HDAC9: variants seen among roughly 807,000 people sequenced by gnomAD.
The protein encoded by HDAC9 is histone deacetylase 9, also known as MEF-2 interacting transcription repressor (MITR) protein.
A neutral mutation model predicts 139.4 loss-of-function variants in HDAC9; 41 were observed. That is an observed-to-expected ratio of 0.29 (90% CI 0.23 to 0.38). The LOEUF (loss-of-function observed/expected upper bound fraction) is 0.38. HDAC9 is among the 10% of genes least tolerant of loss of function. The pLI is 1.00. For synonymous variants in HDAC9, 517 were observed against 476.2 expected, an observed-to-expected ratio of 1.09 and a Z score of -1.12; for missense variants, 1,147 against 1,297.0, an observed-to-expected ratio of 0.88 and a Z score of 1.78.
chr7:18,177,247 C>T (rs1225511909), intron 2 of HDAC9, among the ~76,000 whole-genome samples: 1 of 152,130 alleles, frequency 6.6e-6, no homozygotes, highest in Non-Finnish European at 1.5e-5. Flanking sequence ...CTGTTAGTAC[C>T]TGCATTTAAA....
intron 1 of HDAC9, among the ~76,000 whole-genome samples, chr7:18,296,638 T>C (rs1798168334): frequency 6.6e-6 from 1 of 152,208 alleles, no homozygotes; most frequent in African/African-American, 2.4e-5. Flanking sequence ...AAATTAGTTT[T>C]TAAAATGTCT....
At chr7:18,447,736 A>G (rs751441095) in intron 1 of HDAC9, among the ~76,000 whole-genome samples, 1 of 152,218 alleles carries the variant, frequency 6.6e-6, no homozygotes, top group Non-Finnish European at 1.5e-5. Flanking sequence ...GAAGACTGGC[A>G]TACATTTTGT....
intron 12 of HDAC9, among the ~76,000 whole-genome samples, chr7:18,677,338 A>C (rs1438747336): frequency 6.6e-6 from 1 of 151,828 alleles, no homozygotes; most frequent in Non-Finnish European, 1.5e-5. Context: ...TTATTGCTGA[A>C]TAGTTAGCCA....
chr7:18,611,320 A>G (rs544040853), intron 6 of HDAC9, among the ~76,000 whole-genome samples: 1 of 152,266 alleles, frequency 6.6e-6, no homozygotes, highest in South Asian at 2.1e-4. Flanking sequence ...CACAACTAGC[A>G]AGAATAATAT....
chr7:18,904,076 C>T (rs902356092), intron 22 of HDAC9, among the ~76,000 whole-genome samples: 2 of 152,158 alleles, frequency 1.3e-5, no homozygotes, highest in Non-Finnish European at 2.9e-5. Context: ...CCCAAACACC[C>T]AACAATTGGA....
chr7:18,421,737 C>G (rs1168372704), intron 1 of HDAC9, among the ~76,000 whole-genome samples: 3 of 152,154 alleles, frequency 2.0e-5, no homozygotes, highest in Admixed American at 6.6e-5. Flanking sequence ...TTAGCTCCCC[C>G]AAAACAGTCT....
intron 25 of HDAC9, among the ~76,000 whole-genome samples, chr7:18,981,198 C>T (rs1482140028): frequency 6.6e-6 from 1 of 152,154 alleles, no homozygotes; most frequent in African/African-American, 2.4e-5. Flanking sequence ...ACTTGGGCAT[C>T]TATACCTTTA....
At chr7:18,196,996 A>G (rs1348598813) in intron 2 of HDAC9, among the ~76,000 whole-genome samples, 1 of 152,204 alleles carries the variant, frequency 6.6e-6, no homozygotes, top group East Asian at 1.9e-4. Flanking sequence ...AGTAGAGCAG[A>G]TTGCCCCCTT....
At chr7:18,570,417 A>G (rs1021434222) in intron 2 of HDAC9, among the ~76,000 whole-genome samples, 3 of 152,250 alleles carry the variant, frequency 2.0e-5, no homozygotes, top group African/African-American at 4.8e-5. Context: ...TATATTGACA[A>G]TTATGAACAA....
chr7:18,406,312 A>C (rs765894328), intron 1 of HDAC9, among the ~76,000 whole-genome samples: 5 of 152,132 alleles, frequency 3.3e-5, no homozygotes, highest in Non-Finnish European at 7.4e-5. Flanking sequence ...AGTTTTTTGC[A>C]ATTACTTTTA....
At chr7:18,625,365 G>A (rs917292346) in intron 6 of HDAC9, among the ~76,000 whole-genome samples, 3 of 152,054 alleles carry the variant, frequency 2.0e-5, no homozygotes, top group African/African-American at 7.3e-5. Context: ...ATTAACAGCT[G>A]CCATTGACTG....
chr7:18,842,954 C>T (rs890251096), intron 21 of HDAC9, among the ~76,000 whole-genome samples: 3 of 152,094 alleles, frequency 2.0e-5, no homozygotes, highest in African/African-American at 7.2e-5. Context: ...GAAGTGATAT[C>T]TGCAGTGAAG....
chr7:18,335,397 A>G (rs1183555689), intron 1 of HDAC9, among the ~76,000 whole-genome samples: 5 of 151,468 alleles, frequency 3.3e-5, no homozygotes, highest in Admixed American at 3.3e-4. Context: ...ATCCCATCTC[A>G]TGGTTCCTTT....
intron 15 of HDAC9, among the ~76,000 whole-genome samples, chr7:18,765,605 A>C (rs1054639633): frequency 6.6e-6 from 1 of 151,690 alleles, no homozygotes; most frequent in Non-Finnish European, 1.5e-5. Context: ...ACTCCATCTC[A>C]AAAAAAAATT....
intron 1 of HDAC9, among the ~76,000 whole-genome samples, chr7:18,382,369 A>G (rs534872147): frequency 6.6e-6 from 1 of 152,342 alleles, no homozygotes; most frequent in South Asian, 2.1e-4. Context: ...TAATGAATGT[A>G]TTGTGTCAGG....
At chr7:18,289,237 C>G (rs980235201), upstream of HDAC9, among the ~76,000 whole-genome samples, 4 of 152,136 alleles carry the variant, frequency 2.6e-5, no homozygotes, top group Non-Finnish European at 5.9e-5. Flanking sequence ...CAAGGCATTG[C>G]TTGTATTTCC....
chr7:18,230,481 T>C (rs1209422857), intron 2 of HDAC9, among the ~76,000 whole-genome samples: 1 of 152,208 alleles, frequency 6.6e-6, no homozygotes, highest in African/African-American at 2.4e-5. Context: ...AAAATTCACA[T>C]GATAAATTCC....
intron 21 of HDAC9, among the ~76,000 whole-genome samples, chr7:18,850,081 T>TAAAAAAAAAAAAAA (rs11327408): frequency 2.4e-4 from 20 of 82,200 alleles, no homozygotes; most frequent in Non-Finnish European, 2.6e-4. Flanking sequence ...AAAGCCTGAG[T>TAAAAAAAAAAAAAA]AAAAAAAAAA....
intron 12 of HDAC9, among the ~76,000 whole-genome samples, chr7:18,718,349 G>A (rs371958993): frequency 6.6e-6 from 1 of 151,844 alleles, no homozygotes; most frequent in South Asian, 2.1e-4. Flanking sequence ...CTCCTGCCTC[G>A]GCCTCCCAAG....
Sources: allele counts gnomAD v4.1 joint callset (sites outside exome capture counted in the v4.1 genomes callset), GRCh38; gene constraint gnomAD v4.1.1; transcripts MANE v1.5; gene names NCBI Gene and HGNC (gene_info 2026-07-23, HGNC 2026-07-21).